The following TEK variants were observed in gnomAD, a reference collection of about 807,000 sequenced individuals.
TEK encodes the protein angiopoietin-1 receptor.
Under a neutral mutation model 131.8 loss-of-function variants are expected in TEK, and 43 were observed. That is an observed-to-expected ratio of 0.33 (90% confidence interval 0.26 to 0.42). The LOEUF is 0.42. Among genes scored for constraint, TEK ranks in the 10% least tolerant of loss-of-function variants. TEK has a pLI of 1.00. For synonymous variants in TEK, 580 were observed against 491.6 expected (o/e 1.18, Z -2.38); for missense variants, 1,162 against 1,384.4 (o/e 0.84, Z 2.55).
At chr9:27,138,165 A>G (rs1337342674) in intron 1 of TEK, among the ~76,000 whole-genome samples, 1 of 152,204 alleles carries the variant, frequency 6.6e-6, no homozygotes, top group Non-Finnish European at 1.5e-5. Flanking sequence ...AGACCCAAAG[A>G]GTGAGCAGCA....
intron 9 of TEK, among the ~76,000 whole-genome samples, chr9:27,189,168 G>C (rs758890005): frequency 7.2e-5 from 11 of 152,148 alleles, no homozygotes; most frequent in Non-Finnish European, 1.2e-4. Context: ...TGGGCCAAGG[G>C]AACTATAGAG....
intron 9 of TEK, among the ~76,000 whole-genome samples, chr9:27,185,884 T>G (rs1426506145): frequency 1.3e-5 from 2 of 152,212 alleles, no homozygotes; most frequent in Non-Finnish European, 2.9e-5. Context: ...CAAATGAAGT[T>G]ACCTTTTTGA....
chr9:27,162,936 C>T (rs912239192), intron 2 of TEK, among the ~76,000 whole-genome samples: 30 of 152,074 alleles, frequency 2.0e-4, no homozygotes, highest in African/African-American at 7.2e-4. Context: ...GGGTGGTCTC[C>T]ATCTCCCGAC....
At position 27,169,415 on chromosome 9, in the gene TEK, CA is replaced by C. The variant is rs1392224660; in HGVS notation, c.476-61del. On this transcript the variant is annotated intron_variant, in intron 3 of 22. Transcript: ENST00000380036. ...GGGAAAGCTAATTAAGTGGAGAAAC[CA>C]GACAAGGAAGCAGGTATGTTTCAGT... The C allele has an allele frequency of 4.4e-6, 7 of 1,607,954 alleles. No individual in the cohort carries two copies. The African/African-American group carries it at 8.0e-5, about 18-fold the overall frequency.
At chr9:27,150,006 C>T (rs752579499) in intron 1 of TEK, among the ~76,000 whole-genome samples, 2 of 152,152 alleles carry the variant, frequency 1.3e-5, no homozygotes, top group Non-Finnish European at 2.9e-5. Context: ...GTGGCCAAAA[C>T]TCCTCTCTAG....
Position 27,180,302 on chromosome 9 carries a change from A to G in TEK, c.964A>G (p.Met322Val), listed in dbSNP as rs749678742. ...KLRCSCNNGE[M>V]CDRFQGCLCS... The stretch of plus-strand genomic sequence containing the variant: ...TAGGTGCAGCTGCAACAATGGGGAG[A>G]TGTGTGATCGCTTCCAAGGATGTCT... Residue 322 changes from methionine (M) to valine (V), a missense_variant, in exon 7 of 23, where the codon ATG becomes GTG. By Grantham distance (21) the Met-to-Val change is conservative. Transcript: ENST00000380036. The G allele has an allele frequency of 5.6e-6, 9 of 1,613,590 alleles. No individual in the cohort carries two copies. Among genetic ancestry groups the G allele is most frequent in the African/African-American group, 1.3e-5 (1 of 74,804 alleles).
chr9:27,118,708 C>T (rs1259333631), intron 1 of TEK, among the ~76,000 whole-genome samples: 3 of 152,246 alleles, frequency 2.0e-5, no homozygotes, highest in South Asian at 2.1e-4. Context: ...CAAGAACTGC[C>T]GTGCTTTCCC....
intron 17 of TEK, 91 bp downstream of exon 17, chr9:27,212,988 C>G (rs1825690842): frequency 1.5e-6 from 2 of 1,337,758 alleles, no homozygotes; most frequent in Non-Finnish European, 2.1e-6. Flanking sequence ...GTCAACCTCT[C>G]TTCTTTAACT....
chr9:27,155,249 A>C (rs1317094643), intron 1 of TEK, among the ~76,000 whole-genome samples: 4 of 152,188 alleles, frequency 2.6e-5, no homozygotes, highest in Non-Finnish European at 5.9e-5. Context: ...TGGAGGCTGT[A>C]ATTCCACTGT....
intron 1 of TEK, among the ~76,000 whole-genome samples, chr9:27,147,514 C>T (rs969588589): frequency 2.6e-5 from 4 of 151,822 alleles, no homozygotes; most frequent in African/African-American, 9.7e-5. Flanking sequence ...CAAATATTTT[C>T]TCCCAGTTCA....
chr9:27,209,110 T>C lies in TEK; in HGVS notation c.2576-11T>C, dbSNP rs1825508211. 5 of 1,599,504 alleles carry C rather than the reference T, an allele frequency of 3.1e-6. No individual in the cohort carries two copies. Among genetic ancestry groups the C allele is most frequent in the Non-Finnish European group, 4.3e-6 (5 of 1,166,828 alleles). ...ACAAAGAAGAATCACAACCCTTGAC[T>C]TTCTTCCCAGAATATGCCTCCAAAG... On this transcript the variant is annotated splice_polypyrimidine_tract_variant and intron_variant, in intron 15 of 22. Transcript: ENST00000380036.
At position 27,203,040 on chromosome 9, in the gene TEK, G is replaced by A. The variant is rs1825276247; in HGVS notation, c.2130G>A (p.Val710=). 6.2e-7 allele frequency: 1 copy of A among 1,614,096 alleles called. No individual in the cohort carries two copies. Among genetic ancestry groups the A allele is most frequent in the East Asian group, 2.2e-5 (1 of 44,878 alleles). Residue 710 remains valine (V), a synonymous_variant, in exon 13 of 23, where the codon GTG becomes GTA. Transcript: ENST00000380036. ...TAGAGCCTGAAACAGCATACCAGGTGGACATTTTTGCAGAGAACAACATAG... is the reference window on the plus strand; with the variant it reads ...TAGAGCCTGAAACAGCATACCAGGTAGACATTTTTGCAGAGAACAACATAG... The part of the protein sequence containing the change: ...KGLEPETAYQ[V]DIFAENNIGS...
At chr9:27,122,628 GTCTGGAGAT>G (rs1442010012) in intron 1 of TEK, among the ~76,000 whole-genome samples, 3 of 152,064 alleles carry the variant, frequency 2.0e-5, no homozygotes, top group Non-Finnish European at 4.4e-5. Context: ...AGTGAGACGT[GTCTGGAGAT>G]AAGAGGAGGA....
intron 1 of TEK, among the ~76,000 whole-genome samples, chr9:27,138,007 G>A (rs1317692352): frequency 1.3e-5 from 2 of 152,084 alleles, no homozygotes; most frequent in African/African-American, 2.4e-5. Context: ...CAGGAGTGAA[G>A]CCGCAAACCT....
intron 12 of TEK, 117 bp from the exon 13 acceptor site, chr9:27,202,703 A>G (rs1825263059): frequency 1.8e-6 from 2 of 1,083,326 alleles, no homozygotes; most frequent in East Asian, 4.8e-5. Context: ...TTGGGGTACC[A>G]TATGAGAAAA....
chr9:27,208,538 A>G (rs561465916), intron 15 of TEK, among the ~76,000 whole-genome samples: 12 of 152,336 alleles, frequency 7.9e-5, no homozygotes, highest in Admixed American at 6.5e-4. Context: ...TGCAACTTCC[A>G]TAAGATACCA....
chr9:27,225,420 C>T (rs1400416428), intron 21 of TEK, among the ~76,000 whole-genome samples: 3 of 152,090 alleles, frequency 2.0e-5, no homozygotes, highest in African/African-American at 7.2e-5. Flanking sequence ...AGACAGAGGC[C>T]TCAGGAATAA....
chr9:27,127,182 T>C (rs1204457878), intron 1 of TEK, among the ~76,000 whole-genome samples: 1 of 152,166 alleles, frequency 6.6e-6, no homozygotes, highest in Non-Finnish European at 1.5e-5. Flanking sequence ...CCCGTGTCCA[T>C]GTGTTCTCAT....
At chr9:27,194,613 C>T (rs1481197716) in intron 11 of TEK, among the ~76,000 whole-genome samples, 3 of 152,204 alleles carry the variant, frequency 2.0e-5, no homozygotes, top group Non-Finnish European at 4.4e-5. Flanking sequence ...AGAGCATAAA[C>T]TGACTCAGAT....
Sources: allele counts gnomAD v4.1 joint callset (sites outside exome capture counted in the v4.1 genomes callset), GRCh38; gene constraint gnomAD v4.1.1; transcripts MANE v1.5; gene names NCBI Gene and HGNC (gene_info 2026-07-23, HGNC 2026-07-21).